The following FGF10 variants were observed in gnomAD, a reference collection of about 807,000 sequenced individuals.
FGF10 encodes FGF-10.
Under a neutral mutation model 19.8 loss-of-function variants are expected in FGF10, and 2 were observed. The ratio of observed to expected loss-of-function variants is 0.10; its 90% CI spans 0.04 to 0.32. The LOEUF is 0.32. Among genes scored for constraint, FGF10 ranks in the 10% least tolerant of loss-of-function variants. The pLI is 1.00. For synonymous variants in FGF10, 112 were observed against 94.0 expected (o/e 1.19, Z -1.10); for missense variants, 191 against 246.3 (o/e 0.78, Z 1.50).
intron 1 of FGF10, among the ~76,000 whole-genome samples, chr5:44,371,128 G>C (rs561427624): frequency 1.2e-4 from 18 of 152,206 alleles, no homozygotes; most frequent in African/African-American, 4.3e-4. Flanking sequence ...TGAATGCTCT[G>C]CCCTCATGAT....
intron 1 of FGF10, among the ~76,000 whole-genome samples, chr5:44,311,330 G>A (rs779237457): frequency 2.0e-5 from 3 of 151,996 alleles, no homozygotes; most frequent in Non-Finnish European, 2.9e-5. Flanking sequence ...TCAGTTTATC[G>A]TCTACTAAAA....
At chr5:44,347,508 G>A (rs1226708091) in intron 1 of FGF10, among the ~76,000 whole-genome samples, 3 of 151,640 alleles carry the variant, frequency 2.0e-5, no homozygotes, top group East Asian at 1.9e-4. Flanking sequence ...TTTTTGTTTA[G>A]CAAAACTATA....
intron 1 of FGF10, among the ~76,000 whole-genome samples, chr5:44,344,652 A>T (rs1036834214): frequency 1.4e-5 from 2 of 146,126 alleles, no homozygotes; most frequent in African/African-American, 5.1e-5. Context: ...AATATTTTGC[A>T]TTTCCAATAC....
chr5:44,343,051 G>T (rs978683956), intron 1 of FGF10, among the ~76,000 whole-genome samples: 2 of 151,900 alleles, frequency 1.3e-5, no homozygotes, highest in African/African-American at 4.8e-5. Context: ...GGTGTGTGTT[G>T]CCCTTACATG....
At chr5:44,343,532 A>G (rs1200020034) in intron 1 of FGF10, among the ~76,000 whole-genome samples, 1 of 152,024 alleles carries the variant, frequency 6.6e-6, no homozygotes, top group Non-Finnish European at 1.5e-5. Context: ...GGTGGCACAT[A>G]CAAGTAGTAT....
rs1345646458 is a variant in FGF10, at chr5:44,376,506, AAAAAAAAAAAAC to A, written c.325+11840_325+11851del. Among the ~76,000 whole-genome samples, 35 of 140,480 alleles carry A rather than the reference AAAAAAAAAAAAC, an allele frequency of 2.5e-4. No homozygotes were observed. The Middle Eastern group carries it at 0.011, about 44-fold the overall frequency. The allele number at this position is 140,480 out of a possible 152,430, so 92.2% of individuals were successfully genotyped here. On this transcript the variant is annotated intron_variant, in intron 1 of 2. Transcript: ENST00000264664. Reference sequence around the variant, plus strand: ...TACAAATGCCAAAAAAAAAAAAAAAAAAAAAAAAAAACAAAAAACCCACAACTAGAGCAAGAA... The same window carrying A: ...TACAAATGCCAAAAAAAAAAAAAAAAAAAAAACCCACAACTAGAGCAAGAA...
chr5:44,308,791 T>A (rs536622377), intron 2 of FGF10, among the ~76,000 whole-genome samples: 1 of 152,242 alleles, frequency 6.6e-6, no homozygotes, highest in South Asian at 2.1e-4. Flanking sequence ...AAGGCTACTC[T>A]ACATCCAGAC....
chr5:44,365,107 A>G lies in FGF10; in HGVS notation c.325+23251T>C, dbSNP rs527474598. On this transcript the variant is annotated intron_variant, in intron 1 of 2. Transcript: ENST00000264664. ...GGCATGGTTGGGAGCTGTCTAAAATAACAAAGAGTGTGATTTGTGGAGAGA... is the reference window on the plus strand; with the variant it reads ...GGCATGGTTGGGAGCTGTCTAAAATGACAAAGAGTGTGATTTGTGGAGAGA... Among the ~76,000 whole-genome samples the G allele has an allele frequency of 1.8e-4, 27 of 152,022 alleles. No homozygotes were observed. The South Asian group carries it at 5.2e-3, about 29-fold the overall frequency.
At chr5:44,372,674 A>G (rs1377952238) in intron 1 of FGF10, among the ~76,000 whole-genome samples, 1 of 152,208 alleles carries the variant, frequency 6.6e-6, no homozygotes, top group Non-Finnish European at 1.5e-5. Flanking sequence ...ATTATTCTCC[A>G]TTACTGAGTC....
At chr5:44,374,201 G>T (rs1343287137) in intron 1 of FGF10, among the ~76,000 whole-genome samples, 1 of 151,994 alleles carries the variant, frequency 6.6e-6, no homozygotes, top group African/African-American at 2.4e-5. Flanking sequence ...AAATCTTTCT[G>T]TTTCCATTTT....
chr5:44,361,683 C>A (rs339507), intron 1 of FGF10, among the ~76,000 whole-genome samples: 4 of 151,586 alleles, frequency 2.6e-5, no homozygotes, highest in Admixed American at 1.3e-4. Flanking sequence ...TTTGGAAACA[C>A]TGGGCTTCTA....
rs143363694 is a variant in FGF10, at chr5:44,354,003, TATAAAG to T, written c.325+34349_325+34354del. Reference sequence around the variant, plus strand: ...TGGTAGCAATACAACCAAGTAATAATATAAAGATAGAGTAAGATAGTGAATAATAAG... The same window carrying T: ...TGGTAGCAATACAACCAAGTAATAATATAGAGTAAGATAGTGAATAATAAG... On this transcript the variant is annotated intron_variant, in intron 1 of 2. Coordinates refer to ENST00000264664, the MANE Select transcript of FGF10 (RefSeq NM_004465.2). 5.1e-3 allele frequency among the ~76,000 whole-genome samples: 771 copies of T among 151,598 alleles called. 5 individuals carry two copies. Among genetic ancestry groups the T allele is most frequent in the Non-Finnish European group, 8.7e-3 (588 of 67,648 alleles).
chr5:44,369,410 G>A (rs1276342059), intron 1 of FGF10, among the ~76,000 whole-genome samples: 1 of 152,042 alleles, frequency 6.6e-6, no homozygotes, highest in Non-Finnish European at 1.5e-5. Context: ...TCACTTTGAG[G>A]GCTAGGTTCC....
At chr5:44,323,842 G>GA in intron 1 of FGF10, among the ~76,000 whole-genome samples, 1 of 152,046 alleles carries the variant, frequency 6.6e-6, no homozygotes, top group African/African-American at 2.4e-5. Flanking sequence ...TGCCCTTTAA[G>GA]AAAAAACATG....
chr5:44,322,260 CA>C, intron 1 of FGF10, among the ~76,000 whole-genome samples: 1 of 152,266 alleles, frequency 6.6e-6, no homozygotes, highest in South Asian at 2.1e-4. Context: ...CTCAATCTGT[CA>C]CTTCAGGGGA....
At chr5:44,327,982 TAC>T (rs1027331583) in intron 1 of FGF10, among the ~76,000 whole-genome samples, 7 of 152,250 alleles carry the variant, frequency 4.6e-5, no homozygotes, top group Non-Finnish European at 1.0e-4. Context: ...AAAGGAGAGC[TAC>T]AGAGACATTT....
chr5:44,353,801 G>A (rs1741286584), intron 1 of FGF10, among the ~76,000 whole-genome samples: 1 of 151,284 alleles, frequency 6.6e-6, no homozygotes, highest in African/African-American at 2.4e-5. Flanking sequence ...GAAAAAAGCT[G>A]GGGGGCGGGG....
intron 1 of FGF10, among the ~76,000 whole-genome samples, chr5:44,333,819 T>C (rs1351231568): frequency 6.6e-5 from 10 of 152,096 alleles, no homozygotes. Context: ...TAATAAATAA[T>C]GTGTGTTGGT....
intron 1 of FGF10, among the ~76,000 whole-genome samples, chr5:44,340,169 G>A (rs1313691282): frequency 6.6e-6 from 1 of 152,062 alleles, no homozygotes; most frequent in African/African-American, 2.4e-5. Flanking sequence ...AAAATGACGG[G>A]AGCAGATGAG....
Sources: gnomAD v4.1 joint callset for allele counts (sites outside exome capture counted in the v4.1 genomes callset) on GRCh38, gnomAD v4.1.1 for gene constraint, MANE v1.5 for transcripts, NCBI Gene and HGNC (gene_info 2026-07-23, HGNC 2026-07-21) for gene names.